Variants in KIN observed in about 807,000 individuals in gnomAD.
The protein encoded by KIN is Kin17 DNA and RNA binding protein.
In KIN, 47 loss-of-function variants were observed where a neutral mutation model predicts 63.0. That is an observed-to-expected ratio of 0.75 (90% CI 0.59 to 0.95). The LOEUF is 0.95. KIN is among the 40% of genes least tolerant of loss of function. The pLI is 0.00. For missense variants in KIN, 408 were observed against 460.9 expected (o/e 0.89, Z 1.05); for synonymous variants, 160 against 157.7 (o/e 1.01, Z -0.11).
At chr10:7,780,872 C>T (rs1835882083) in intron 2 of KIN, among the ~76,000 whole-genome samples, 1 of 152,162 alleles carries the variant, frequency 6.6e-6, no homozygotes, top group Admixed American at 6.5e-5. Context: ...GTCATAGAAA[C>T]AGTTACCACA....
At position 7,774,907 on chromosome 10, in the gene KIN, G is replaced by A. The variant is rs1835738486; in HGVS notation, c.608-16C>T. The A allele has an allele frequency of 1.3e-6, 2 of 1,583,356 alleles. No homozygotes were observed. Among genetic ancestry groups the A allele is most frequent in the Non-Finnish European group, 1.7e-6 (2 of 1,153,130 alleles). ...TTAAACGTGACTAGAAGAAAAAAAT[G>A]TTATTCCATACATACATTTCAAGAA... On this transcript the variant is annotated splice_polypyrimidine_tract_variant and intron_variant, in intron 6 of 12. Coordinates refer to ENST00000379562, the MANE Select transcript of KIN (RefSeq NM_012311.4).
intron 11 of KIN, 82 bp from the exon 12 acceptor site, chr10:7,760,072 A>C (rs1835410211): frequency 7.7e-6 from 5 of 653,434 alleles, no homozygotes; most frequent in Non-Finnish European, 1.3e-5. Context: ...AATGTACTAC[A>C]CTGAATAAAC....
chr10:7,777,053 CAAAAA>C (rs60757813), intron 5 of KIN, among the ~76,000 whole-genome samples: 1 of 80,722 alleles, frequency 1.2e-5, no homozygotes, highest in Non-Finnish European at 2.4e-5. Flanking sequence ...GACAGTCTCT[CAAAAA>C]AAAAAAAAAA....
intron 11 of KIN, among the ~76,000 whole-genome samples, chr10:7,760,595 A>T (rs796464818): frequency 8.5e-5 from 13 of 152,296 alleles, no homozygotes; most frequent in African/African-American, 3.1e-4. Flanking sequence ...GTGGTCCAAA[A>T]ATAGGTGTGT....
At chr10:7,781,889 T>C (rs1471420868) in intron 2 of KIN, among the ~76,000 whole-genome samples, 1 of 151,858 alleles carries the variant, frequency 6.6e-6, no homozygotes, top group Non-Finnish European at 1.5e-5. Context: ...AAACCCTTTC[T>C]CTATTAAAAA....
chr10:7,781,147 G>T (rs1361156404), intron 2 of KIN, among the ~76,000 whole-genome samples: 1 of 152,218 alleles, frequency 6.6e-6, no homozygotes, highest in Non-Finnish European at 1.5e-5. Context: ...AAATACCATT[G>T]AAAGAGTCAC....
rs35067201 is a variant in KIN at position 7,774,813 on chromosome 10, G to A, written c.668+18C>T. ...AAAATCCTAATGTTTTAAGATATCC[G>A]TGAATGATGCAGCTCACCTTGACTT... On this transcript the variant is annotated intron_variant, in intron 7 of 12. Coordinates refer to ENST00000379562, the MANE Select transcript of KIN (RefSeq NM_012311.4). The A allele has an allele frequency of 0.019, 30,568 of 1,588,996 alleles. 361 individuals carry two copies. Among genetic ancestry groups the A allele is most frequent in the South Asian group, 0.03 (2,675 of 90,402 alleles).
rs1835256012 is a variant in KIN, at chr10:7,752,211, T to C, written c.*3869A>G. On this transcript the variant is annotated 3_prime_UTR_variant, in exon 13 of 13. Coordinates refer to ENST00000379562, the MANE Select transcript of KIN (RefSeq NM_012311.4). ...AACACAACTGAAATATACAAACAAC[T>C]CTTAAAATTCAACAATAAGAAAATG... is the stretch of plus-strand genomic sequence containing the variant. 1 of 152,094 alleles carries C rather than the reference T, an allele frequency of 6.6e-6. No individual in the cohort carries two copies. Among genetic ancestry groups the C allele is most frequent in the Non-Finnish European group, 1.5e-5 (1 of 68,018 alleles). The allele number at this position is 152,094 out of a possible 1,614,324, so 9.4% of individuals were successfully genotyped here.
chr10:7,781,997 G>A (rs1288961595), intron 2 of KIN, among the ~76,000 whole-genome samples: 1 of 152,132 alleles, frequency 6.6e-6, no homozygotes, highest in East Asian at 1.9e-4. Flanking sequence ...GGCAGAGGTT[G>A]CAGCGAGCCA....
chr10:7,763,191 G>A (rs2130992468), intron 10 of KIN, among the ~76,000 whole-genome samples: 1 of 152,300 alleles, frequency 6.6e-6, no homozygotes, highest in East Asian at 1.9e-4. Flanking sequence ...GGGAGGCGAT[G>A]GTTGCAATGA....
chr10:7,759,946 CT>C lies in KIN; in HGVS notation c.1062del (p.Gly355ValfsTer3). On this transcript the variant is annotated frameshift_variant, in exon 12 of 13. Transcript: ENST00000379562. LOFTEE classifies it high-confidence loss of function. ...LVLNGGYRGN[E>X]GTLESINEKT... ...TTCTCATTGATGGATTCTAGGGTACCTTCATTTCCTCTGTAGCCTCCATTTA... is the reference window on the plus strand; with the variant it reads ...TTCTCATTGATGGATTCTAGGGTACCTCATTTCCTCTGTAGCCTCCATTTA... 6.4e-7 allele frequency: 1 copy of C among 1,565,566 alleles called. No individual in the cohort carries two copies. Among genetic ancestry groups the C allele is most frequent in the Non-Finnish European group, 8.7e-7 (1 of 1,153,762 alleles).
At chr10:7,782,960 TAGAG>T in intron 2 of KIN, 117 bp downstream of exon 2, 1 of 443,414 alleles carries the variant, frequency 2.3e-6, no homozygotes, top group South Asian at 5.7e-5. Flanking sequence ...AAACTGAGCA[TAGAG>T]AGAATACAGT....
intron 5 of KIN, 56 bp from the exon 6 acceptor site, chr10:7,775,855 C>A: frequency 1.0e-6 from 1 of 1,000,888 alleles, no homozygotes; most frequent in Non-Finnish European, 1.5e-6. Flanking sequence ...TATCACCATT[C>A]AATAGGCCTA....
chr10:7,752,157 A>G lies in KIN; in HGVS notation c.*3923T>C, dbSNP rs533633604. The G allele has an allele frequency of 7.2e-4, 110 of 152,332 alleles. 1 individual carries two copies. The highest frequency in any genetic ancestry group is 2.6e-3 in the African/African-American group (109 of 41,572). The allele number at this position is 152,332 out of a possible 1,614,324, so 9.4% of individuals were successfully genotyped here. On this transcript the variant is annotated 3_prime_UTR_variant, in exon 13 of 13. Coordinates refer to ENST00000379562, the MANE Select transcript of KIN (RefSeq NM_012311.4). Reference sequence around the variant, plus strand: ...GAAGACAGGCCACTGACTGAGAGAAAATACTTGCAAAAGACACATTCGATA... The same window carrying G: ...GAAGACAGGCCACTGACTGAGAGAAGATACTTGCAAAAGACACATTCGATA...
chr10:7,752,924 G>C lies in KIN; in HGVS notation c.*3156C>G, dbSNP rs1280309926. ...AGCGGTCAGCAGGGATTTGGGGGGA[G>C]ACAGGGAACAGACAGAACACAGGAA... On this transcript the variant is annotated 3_prime_UTR_variant, in exon 13 of 13. Coordinates refer to ENST00000379562, the MANE Select transcript of KIN (RefSeq NM_012311.4). 6.6e-6 allele frequency: 1 copy of C among 152,204 alleles called. No individual in the cohort carries two copies. Among genetic ancestry groups the C allele is most frequent in the Non-Finnish European group, 1.5e-5 (1 of 68,068 alleles). 9.4% of individuals were successfully genotyped at this position (152,204 alleles called of 1,614,324 possible). A position where few individuals can be genotyped will look rare whatever the true frequency, so the allele number is the denominator to read the frequency against.
At chr10:7,758,879 G>C (rs185323540) in intron 12 of KIN, among the ~76,000 whole-genome samples, 2 of 151,424 alleles carry the variant, frequency 1.3e-5, no homozygotes, top group African/African-American at 4.9e-5. Flanking sequence ...CTTAGTTTAC[G>C]TTAGTAACAG....
chr10:7,772,312 G>A (rs1050045035), intron 7 of KIN, among the ~76,000 whole-genome samples: 16 of 152,142 alleles, frequency 1.1e-4, no homozygotes, highest in African/African-American at 3.9e-4. Context: ...CAGGGGTAAG[G>A]CAGAGTTAAA....
intron 2 of KIN, among the ~76,000 whole-genome samples, chr10:7,781,826 G>A (rs1170946783): frequency 2.0e-5 from 3 of 151,636 alleles, no homozygotes; most frequent in Non-Finnish European, 1.5e-5. Flanking sequence ...GGAGGGTGAG[G>A]TGGGTGGATC....
chr10:7,769,661 C>A (rs1478282787), intron 7 of KIN, among the ~76,000 whole-genome samples: 1 of 152,020 alleles, frequency 6.6e-6, no homozygotes, highest in African/African-American at 2.4e-5. Context: ...TGATGGTAGG[C>A]AGCTTAGGTT....
Sources: gnomAD v4.1 joint callset for allele counts (sites outside exome capture counted in the v4.1 genomes callset) on GRCh38, gnomAD v4.1.1 for gene constraint, MANE v1.5 for transcripts, NCBI Gene and HGNC (gene_info 2026-07-23, HGNC 2026-07-21) for gene names.